The following MAD2L2 variants were observed in gnomAD, a reference collection of about 807,000 sequenced individuals.
MAD2L2 encodes the protein mitotic spindle assembly checkpoint protein MAD2B.
Under a neutral mutation model 30.5 loss-of-function variants are expected in MAD2L2, and 17 were observed. That is an observed-to-expected ratio of 0.56 (90% CI 0.38 to 0.84). The LOEUF (loss-of-function observed/expected upper bound fraction) is 0.84, where lower values mean the gene tolerates loss of function less well. Ranked by LOEUF, MAD2L2 falls within the 40% of genes least tolerant of loss-of-function variation. MAD2L2 has a pLI of 0.00. For missense variants in MAD2L2, 213 were observed against 277.4 expected, an observed-to-expected ratio of 0.77 and a Z score of 1.65; for synonymous variants, 101 against 113.9, an observed-to-expected ratio of 0.89 and a Z score of 0.72.
intron 7 of MAD2L2, 114 bp from the exon 8 acceptor site, chr1:11,675,288 A>G: frequency 1.4e-6 from 1 of 701,168 alleles, no homozygotes; most frequent in South Asian, 1.9e-5. Context: ...CAGAATCACT[A>G]GGAAGCTGTT....
chr1:11,679,985 G>GTTT lies in MAD2L2; in HGVS notation c.159+365_159+367dup, dbSNP rs70983583. Among the ~76,000 whole-genome samples, 19 of 87,620 alleles carry GTTT rather than the reference G, an allele frequency of 2.2e-4. No homozygotes were observed. The East Asian group carries it at 5.9e-3, about 27-fold the overall frequency. The allele number at this position is 87,620 out of a possible 152,430, so 57.5% of individuals were successfully genotyped here. A position where few individuals can be genotyped will look rare whatever the true frequency, so the allele number is the denominator to read the frequency against. The stretch of plus-strand genomic sequence containing the variant: ...GGTGGCTTGGCCCGAAGTGGAAGAG[G>GTTT]TTTTTTTTTTTTTTTTTTTTTTTTT... On this transcript the variant is annotated intron_variant, in intron 3 of 8. Coordinates refer to ENST00000376692, the MANE Select transcript of MAD2L2 (RefSeq NM_006341.4).
chr1:11,680,439 C>T lies in MAD2L2; in HGVS notation c.73G>A (p.Val25Met). The change falls in exon 3 of 9, where the codon GTG becomes ATG. Residue 25 changes from valine (V) to methionine (M), a missense_variant. Transcript: ENST00000376692. ...VADVLCEFLE[V>M]AVHLILYVRE... ...ACGTAGAGGATGAGATGCACAGCCA[C>T]CTCCAGGAACTCGCAGAGCACATCG... 2 of 1,613,974 alleles carry T rather than the reference C, an allele frequency of 1.2e-6. No homozygotes were observed. The highest frequency in any genetic ancestry group is 1.7e-6 in the Non-Finnish European group (2 of 1,179,932).
intron 1 of MAD2L2, among the ~76,000 whole-genome samples, chr1:11,691,203 AAT>A (rs1641057303): frequency 6.9e-6 from 1 of 144,946 alleles, no homozygotes; most frequent in Non-Finnish European, 1.5e-5. Flanking sequence ...GTCTAGGCGG[AAT>A]AATCCTTTTG....
Position 11,680,360 on chromosome 1 carries a change from G to A in MAD2L2, c.152C>T (p.Pro51Leu), listed in dbSNP as rs1481948109. The A allele has an allele frequency of 2.5e-6, 4 of 1,613,322 alleles. No homozygotes were observed. Among genetic ancestry groups the A allele is most frequent in the African/African-American group, 1.3e-5 (1 of 75,020 alleles). ...TTCTGGGACGTGCCTCACCTGGACC[G>A]GCACGTTGTACTTCTTGCGTTTCTG... Reference protein sequence around the residue: ...IFQKRKKYNVPVQMSCHPELN... With the variant: ...IFQKRKKYNVLVQMSCHPELN... The change falls in exon 3 of 9, where the codon CCG (proline) becomes CTG (leucine). Residue 51 changes from proline (P) to leucine (L), a missense_variant. Transcript: ENST00000376692.
At chr1:11,686,746 A>G (rs1640962631) in intron 1 of MAD2L2, among the ~76,000 whole-genome samples, 1 of 148,050 alleles carries the variant, frequency 6.8e-6, no homozygotes. Flanking sequence ...GTGTCCAGAT[A>G]TATTCAGAAG....
chr1:11,686,416 CA>C (rs1197598714), intron 1 of MAD2L2, among the ~76,000 whole-genome samples: 2 of 152,178 alleles, frequency 1.3e-5, no homozygotes, highest in African/African-American at 4.8e-5. Context: ...CCTCAGTGGT[CA>C]GGGGGACCTT....
rs533895551 is a variant in MAD2L2, at chr1:11,688,432, G to A, written c.-692+2981C>T. On this transcript the variant is annotated intron_variant, in intron 1 of 10. Transcript: ENST00000235310. This position sits in a 1 kb window ranked among gnomAD's most constrained non-coding sequence, Gnocchi z 4.6. ...AAAAATTAGCCAGGCATGGTGGCAG[G>A]TGCCTGTAGTCACAGCTACTCAGGA... Among the ~76,000 whole-genome samples the A allele has an allele frequency of 4.1e-4, 63 of 152,082 alleles. No individual in the cohort carries two copies. The highest frequency in any genetic ancestry group is 7.8e-4 in the Non-Finnish European group (53 of 68,016).
Position 11,675,686 on chromosome 1 carries a change from C to A in MAD2L2, c.473G>T (p.Arg158Leu), listed in dbSNP as rs760862974. Residue 158 changes from arginine to leucine, a missense_variant, in exon 7 of 9, where the codon CGC becomes CTC. Transcript: ENST00000376692. ...GATGACCTGGATCTTCTCCATGTTG[C>A]GAGTGGCGGCTTCTCTCGTGTGCAC... ...VLVHTREAAT[R>L]NMEKIQVIKD... 3.1e-6 allele frequency: 5 copies of A among 1,614,090 alleles called. No individual in the cohort carries two copies. The highest frequency in any genetic ancestry group is 4.2e-6 in the Non-Finnish European group (5 of 1,179,988).
At chr1:11,675,587 C>T (rs1640748739) in intron 7 of MAD2L2, 71 bp downstream of exon 7, 1 of 1,464,520 alleles carries the variant, frequency 6.8e-7, no homozygotes, top group Non-Finnish European at 9.6e-7. Flanking sequence ...CAGGCAGTGC[C>T]CCTGCCCGCC....
upstream of MAD2L2, among the ~76,000 whole-genome samples, chr1:11,684,928 CTTTT>C (rs60300457): frequency 6.9e-6 from 1 of 145,668 alleles, no homozygotes; most frequent in East Asian, 2.0e-4. Context: ...CTCTCTCTCT[CTTTT>C]TTTTTTTTTC....
upstream of MAD2L2, chr1:11,681,295 G>A (rs1640875898): frequency 2.0e-5 from 3 of 152,250 alleles, no homozygotes; most frequent in Non-Finnish European, 2.9e-5. Context: ...CGGCGTCCGG[G>A]AGGGGCTGAG....
Position 11,688,513 on chromosome 1 carries a change from A to G in MAD2L2, c.-692+2900T>C, listed in dbSNP as rs1641002091. ...GAGGCAGAGGTTGCAGTGAGCCAAGATCGCGCCACTGCACTCCAGCCTGGA... is the reference window on the plus strand; with the variant it reads ...GAGGCAGAGGTTGCAGTGAGCCAAGGTCGCGCCACTGCACTCCAGCCTGGA... On this transcript the variant is annotated intron_variant, in intron 1 of 10. Coordinates refer to the MAD2L2 transcript ENST00000235310. This position sits in a 1 kb window ranked among gnomAD's most constrained non-coding sequence, Gnocchi z 4.6. 6.6e-6 allele frequency among the ~76,000 whole-genome samples: 1 copy of G among 152,068 alleles called. No homozygotes were observed. The highest frequency in any genetic ancestry group is 1.5e-5 in the Non-Finnish European group (1 of 68,014).
At chr1:11,680,503 G>C in intron 2 of MAD2L2, 32 bp from the exon 3 acceptor site, 2 of 1,611,256 alleles carry the variant, frequency 1.2e-6, no homozygotes, top group Non-Finnish European at 1.7e-6. Flanking sequence ...TGGCGCGCTC[G>C]AGGAAGCCCG....
At position 11,686,807 on chromosome 1, in the gene MAD2L2, TAA is replaced by T. The variant is rs560855200; in HGVS notation, c.-692+4604_-692+4605del. 7.2e-3 allele frequency among the ~76,000 whole-genome samples: 747 copies of T among 104,460 alleles called. 8 individuals are homozygous for T. The highest frequency in any genetic ancestry group is 0.023 in the African/African-American group (671 of 29,572). 68.5% of individuals were successfully genotyped at this position (104,460 alleles called of 152,430 possible). A position where few individuals can be genotyped will look rare whatever the true frequency, so the allele number is the denominator to read the frequency against. ...TTTTGATCCAGCTCAACTGCCACTT[TAA>T]AAAAAAAAAAAAAAAAAAAAAACTT... On this transcript the variant is annotated intron_variant, in intron 1 of 10. Coordinates refer to the MAD2L2 transcript ENST00000235310.
intron 1 of MAD2L2, among the ~76,000 whole-genome samples, chr1:11,686,331 G>A (rs372289105): frequency 7.9e-5 from 12 of 152,156 alleles, no homozygotes; most frequent in Non-Finnish European, 1.8e-4. Context: ...GATGGCTTCC[G>A]ACACTTCAGC....
chr1:11,684,348 G>A (rs958837753), upstream of MAD2L2, among the ~76,000 whole-genome samples: 2 of 152,266 alleles, frequency 1.3e-5, no homozygotes, highest in South Asian at 2.1e-4. Context: ...TTGAACATCC[G>A]TCTGCTGGGA....
rs375586395 is a variant in MAD2L2, at chr1:11,674,866, C to T, written c.595-50G>A. 1.2e-5 allele frequency: 20 copies of T among 1,604,824 alleles called. 1 individual carries two copies. The highest frequency in any genetic ancestry group is 1.5e-5 in the Non-Finnish European group (18 of 1,172,410). On this transcript the variant is annotated intron_variant, in intron 8 of 8. Coordinates refer to ENST00000376692, the MANE Select transcript of MAD2L2 (RefSeq NM_006341.4). This position sits in a 1 kb window ranked among gnomAD's most constrained non-coding sequence, Gnocchi z 6.1. Reference sequence around the variant, plus strand: ...CAGTCAGCAAGACAGCCAGGGCATCCCTGCTGGAGGACACAGAAGCCCCTG... The same window carrying T: ...CAGTCAGCAAGACAGCCAGGGCATCTCTGCTGGAGGACACAGAAGCCCCTG...
intron 3 of MAD2L2, among the ~76,000 whole-genome samples, chr1:11,678,787 T>C (rs1243822611): frequency 6.6e-6 from 1 of 152,180 alleles, no homozygotes; most frequent in Non-Finnish European, 1.5e-5. Flanking sequence ...TTAATACACA[T>C]AACATACAGA....
In MAD2L2 at chr1:11,676,103, G is replaced by GGA. The variant is rs1228040041; in HGVS notation, c.368_369dup (p.Arg124SerfsTer6). 3.7e-6 allele frequency: 6 copies of GGA among 1,610,880 alleles called. No homozygotes were observed. The highest frequency in any genetic ancestry group is 1.3e-5 in the African/African-American group (1 of 74,876). Reference sequence around the variant, plus strand: ...ACGCTGATCTTCAGGATGAAGGCCCGGAGCAGCTGCTCCACATGAGACAAC... The same window carrying GGA: ...ACGCTGATCTTCAGGATGAAGGCCCGGAGAGCAGCTGCTCCACATGAGACAAC... On this transcript the variant is annotated frameshift_variant, in exon 6 of 9. Coordinates refer to ENST00000376692, the MANE Select transcript of MAD2L2 (RefSeq NM_006341.4). LOFTEE classifies it high-confidence loss of function.
Sources: gnomAD v4.1 joint callset for allele counts (sites outside exome capture counted in the v4.1 genomes callset) on GRCh38, gnomAD v4.1.1 for gene constraint, Gnocchi (gnomAD v3.1) non-coding constraint, MANE v1.5 for transcripts, NCBI Gene and HGNC (gene_info 2026-07-23, HGNC 2026-07-21) for gene names.